The following CEP85L variants were observed in gnomAD, a reference collection of about 807,000 sequenced individuals.
CEP85L encodes centrosomal protein 85L, also known as centrosomal protein of 85 kDa-like.
Under a neutral mutation model 100.3 loss-of-function variants are expected in CEP85L, and 60 were observed. That is an observed-to-expected ratio of 0.60 (90% confidence interval 0.49 to 0.74). CEP85L has a LOEUF of 0.74. Among genes scored for constraint, CEP85L ranks in the 30% least tolerant of loss-of-function variants. The pLI is 0.00. For missense variants in CEP85L, 973 were observed against 936.2 expected (o/e 1.04, Z -0.51); for synonymous variants, 319 against 322.7 (o/e 0.99, Z 0.12).
chr6:118,527,028 T>TA (rs33991624), intron 3 of CEP85L, among the ~76,000 whole-genome samples: 1 of 137,432 alleles, frequency 7.3e-6, no homozygotes, highest in Non-Finnish European at 1.6e-5. Flanking sequence ...TTTTTTTTTT[T>TA]AATTGAGACG....
chr6:118,680,422 A>C (rs183264411), intron 1 of CEP85L, among the ~76,000 whole-genome samples: 1 of 150,722 alleles, frequency 6.6e-6, no homozygotes, highest in Non-Finnish European at 1.5e-5. Context: ...TCAAAATTCC[A>C]ACCAGTGAAC....
intron 1 of CEP85L, chr6:118,647,218 CA>C (rs1282767585): frequency 4.8e-6 from 1 of 207,644 alleles, no homozygotes; most frequent in Non-Finnish European, 8.4e-6. Context: ...TGGCAAGCAT[CA>C]ATTAAGAGGT....
chr6:118,629,687 C>T (rs1230631180), intron 2 of CEP85L, among the ~76,000 whole-genome samples: 2 of 152,146 alleles, frequency 1.3e-5, no homozygotes, highest in Non-Finnish European at 2.9e-5. Flanking sequence ...CATGATCCAG[C>T]AATTGAGCTC....
At chr6:118,501,318 G>A (rs961927775) in intron 5 of CEP85L, 2 of 364,962 alleles carry the variant, frequency 5.5e-6, no homozygotes, top group South Asian at 2.1e-5. Context: ...TGGAGGACAG[G>A]AGCAGGGCCT....
chr6:118,491,782 C>A lies in CEP85L; in HGVS notation c.1341G>T (p.Lys447Asn), dbSNP rs764117590. 2.5e-6 allele frequency: 4 copies of A among 1,612,976 alleles called. No homozygotes were observed. Among genetic ancestry groups the A allele is most frequent in the Non-Finnish European group, 3.4e-6 (4 of 1,179,438 alleles). Residue 447 changes from lysine (K) to asparagine (N), a missense_variant, in exon 6 of 13, where the codon AAG becomes AAT. Physicochemically the swap from Lys to Asn is moderately conservative, Grantham distance 94. Around this residue, in one of 3 missense-constraint regions of CEP85L, gnomAD observed 890 missense variants for 844.5 expected, o/e 1.05. Coordinates refer to ENST00000368491, the MANE Select transcript of CEP85L (RefSeq NM_001042475.3). ...AAACTTCTTTCTCAGTAGATGCAAGCTTTTGCTCAAATTCCCCTTGTTGGG... is the reference window on the plus strand; with the variant it reads ...AAACTTCTTTCTCAGTAGATGCAAGATTTTGCTCAAATTCCCCTTGTTGGG... ...SHSQQGEFEQ[K>N]LASTEKEVLQ...
chr6:118,559,023 T>C, intron 3 of CEP85L: 2 of 1,606,322 alleles, frequency 1.2e-6, no homozygotes, highest in East Asian at 2.2e-5. Context: ...TATTTATCAA[T>C]TTCTGTCTCA....
intron 5 of CEP85L, among the ~76,000 whole-genome samples, chr6:118,497,971 T>C (rs1775026302): frequency 6.6e-6 from 1 of 152,220 alleles, no homozygotes; most frequent in Non-Finnish European, 1.5e-5. Flanking sequence ...AAATGACTGA[T>C]AACAATGATA....
chr6:118,645,713 T>A (rs1435248626), intron 1 of CEP85L, among the ~76,000 whole-genome samples: 1 of 152,090 alleles, frequency 6.6e-6, no homozygotes, highest in Admixed American at 6.5e-5. Flanking sequence ...ACCTAAAAAA[T>A]GTTTTTAAAA....
chr6:118,613,593 C>G (rs1391197705), intron 2 of CEP85L, among the ~76,000 whole-genome samples: 1 of 151,764 alleles, frequency 6.6e-6, no homozygotes, highest in Non-Finnish European at 1.5e-5. Flanking sequence ...CCTCTCTCTA[C>G]TAAAACTACA....
intron 1 of CEP85L, among the ~76,000 whole-genome samples, chr6:118,708,352 A>G (rs1304833452): frequency 6.6e-6 from 1 of 152,250 alleles, no homozygotes; most frequent in East Asian, 1.9e-4. Context: ...ACTGTAAAAT[A>G]CAACATGCTT....
chr6:118,478,576 A>C (rs1029015514), intron 10 of CEP85L, among the ~76,000 whole-genome samples: 9 of 152,148 alleles, frequency 5.9e-5, no homozygotes, highest in African/African-American at 1.9e-4. Context: ...TTGTTTCAAA[A>C]GACAACAGAA....
chr6:118,544,463 A>G (rs769621303), intron 3 of CEP85L, among the ~76,000 whole-genome samples: 1 of 152,040 alleles, frequency 6.6e-6, no homozygotes, highest in African/African-American at 2.4e-5. Context: ...TAAATGTTAA[A>G]TTTTCATTTC....
At chr6:118,653,322 T>C (rs1775660345), upstream of CEP85L, among the ~76,000 whole-genome samples, 2 of 152,200 alleles carry the variant, frequency 1.3e-5, 1 homozygote, top group Admixed American at 1.3e-4. Context: ...TATGAAATTT[T>C]TGTGTCCCTA....
intron 1 of CEP85L, among the ~76,000 whole-genome samples, chr6:118,636,085 TG>T (rs1310821179): frequency 3.4e-4 from 52 of 152,208 alleles, no homozygotes; most frequent in African/African-American, 1.1e-3. Context: ...CTAAATCAGC[TG>T]TAGACAATAA....
chr6:118,652,360 G>A (rs1775617456), upstream of CEP85L: 1 of 1,037,352 alleles, frequency 9.6e-7, no homozygotes, highest in African/African-American at 1.7e-5. Flanking sequence ...GACGTCCTAA[G>A]GAAGGGCGAA....
chr6:118,561,433 T>C (rs1779216592), intron 3 of CEP85L, among the ~76,000 whole-genome samples: 1 of 152,200 alleles, frequency 6.6e-6, no homozygotes, highest in South Asian at 2.1e-4. Flanking sequence ...GATTACAGAA[T>C]ACTATAACTC....
intron 1 of CEP85L, among the ~76,000 whole-genome samples, chr6:118,646,220 AAAAAG>A (rs986254615): frequency 5.3e-5 from 8 of 152,378 alleles, no homozygotes; most frequent in Middle Eastern, 3.4e-3. Flanking sequence ...CTGTCTAAAA[AAAAAG>A]AAAAGAAAAG....
chr6:118,621,748 G>A (rs1043755282), intron 2 of CEP85L, among the ~76,000 whole-genome samples: 1 of 152,150 alleles, frequency 6.6e-6, no homozygotes, highest in Non-Finnish European at 1.5e-5. Context: ...AGAACAAATT[G>A]AGCCTATACT....
Position 118,464,573 on chromosome 6 carries a change from GC to G in CEP85L, c.*831del. The G allele has an allele frequency of 6.6e-6, 1 of 151,482 alleles. No individual in the cohort carries two copies. Among genetic ancestry groups the G allele is most frequent in the Non-Finnish European group, 1.5e-5 (1 of 67,868 alleles). The allele number at this position is 151,482 out of a possible 1,614,324, so 9.4% of individuals were successfully genotyped here. ...CCAATGCCTTTATTAATTATATATG[GC>G]TTTGTTTACATTTATATATGTATAT... On this transcript the variant is annotated 3_prime_UTR_variant, in exon 13 of 13. Coordinates refer to ENST00000368491, the MANE Select transcript of CEP85L (RefSeq NM_001042475.3).
Sources: allele counts gnomAD v4.1 joint callset (sites outside exome capture counted in the v4.1 genomes callset), GRCh38; gene constraint gnomAD v4.1.1; regional missense constraint gnomAD v4.1.1; transcripts MANE v1.5; gene names NCBI Gene and HGNC (gene_info 2026-07-23, HGNC 2026-07-21).